ELOVL2: variants seen among roughly 807,000 people sequenced by gnomAD.
The protein encoded by ELOVL2 is ELOVL fatty acid elongase 2.
ELOVL2 carries 38 observed loss-of-function variants against 37.7 expected under a neutral mutation model. The observed-to-expected ratio is 1.01, with a 90% CI of 0.78 to 1.32. ELOVL2 has a LOEUF of 1.32. ELOVL2 is among the 40% of genes most tolerant of loss of function. The pLI is 0.00. For missense variants in ELOVL2, 352 were observed against 363.6 expected, an observed-to-expected ratio of 0.97 and a Z score of 0.26; for synonymous variants, 115 against 122.3, an observed-to-expected ratio of 0.94 and a Z score of 0.40.
Position 11,044,192 on chromosome 6 carries a change from G to A in ELOVL2, c.3+36C>T, listed in dbSNP as rs767735537. 3.4e-6 allele frequency: 5 copies of A among 1,454,374 alleles called. No homozygotes were observed. The South Asian group carries it at 6.8e-5, about 20-fold the overall frequency. 90.1% of individuals were successfully genotyped at this position (1,454,374 alleles called of 1,614,324 possible). ...CGTGGGTCCAGGAGAGAAAGAAAGC[G>A]CGGCGGTGTCGGTGGCGGCGCGCGG... On this transcript the variant is annotated intron_variant, in intron 1 of 7. Transcript: ENST00000354666. The surrounding 1 kb of genome is among the most constrained non-coding windows in gnomAD (Gnocchi z 5.6).
Position 11,037,687 on chromosome 6 carries a change from T to C in ELOVL2, c.3+6541A>G, listed in dbSNP as rs901694348. On this transcript the variant is annotated intron_variant, in intron 1 of 7. Coordinates refer to ENST00000354666, the MANE Select transcript of ELOVL2 (RefSeq NM_017770.4). ...GCCACTCAATGTTCTTCTATGTCTG[T>C]GTACCATTTTATCCAAAAGAAAGCT... Among the ~76,000 whole-genome samples, 15 of 152,212 alleles carry C rather than the reference T, an allele frequency of 9.9e-5. 1 individual carries two copies. Among genetic ancestry groups the C allele is most frequent in the African/African-American group, 3.1e-4 (13 of 41,458 alleles).
intron 1 of ELOVL2, among the ~76,000 whole-genome samples, chr6:11,020,769 A>G (rs1356467816): frequency 6.6e-6 from 1 of 152,184 alleles, no homozygotes; most frequent in African/African-American, 2.4e-5. Context: ...TCCCCCTAAT[A>G]GGTTAAATTT....
intron 1 of ELOVL2, among the ~76,000 whole-genome samples, chr6:11,022,414 A>T (rs562676049): frequency 5.2e-4 from 79 of 152,274 alleles, no homozygotes; most frequent in Non-Finnish European, 6.3e-4. Flanking sequence ...TGAGCAAGAG[A>T]AGAGGACTAC....
chr6:11,041,295 T>C (rs1783094409), intron 1 of ELOVL2, among the ~76,000 whole-genome samples: 1 of 152,094 alleles, frequency 6.6e-6, no homozygotes, highest in Admixed American at 6.5e-5. Context: ...ATACATAATA[T>C]CTACTTGACA....
chr6:10,990,509 G>A lies in ELOVL2; in HGVS notation c.506-67C>T, dbSNP rs141945775. 881 of 1,452,686 alleles carry A rather than the reference G, an allele frequency of 6.1e-4. 7 individuals carry two copies. In the African/African-American group the frequency reaches 0.012, roughly 20 times the overall value. The allele number at this position is 1,452,686 out of a possible 1,614,324, so 90.0% of individuals were successfully genotyped here. A position where few individuals can be genotyped will look rare whatever the true frequency, so the allele number is the denominator to read the frequency against. Reference sequence around the variant, plus strand: ...GACTGTTCATTCTTCTTTGTCAAGTGAGATTCTCTCTCTGCATGGTAATTG... The same window carrying A: ...GACTGTTCATTCTTCTTTGTCAAGTAAGATTCTCTCTCTGCATGGTAATTG... On this transcript the variant is annotated intron_variant, in intron 5 of 7. Coordinates refer to ENST00000354666, the MANE Select transcript of ELOVL2 (RefSeq NM_017770.4).
intron 1 of ELOVL2, among the ~76,000 whole-genome samples, chr6:11,036,725 G>GA (rs150983108): frequency 0.093 from 14,193 of 152,194 alleles, 2,007 homozygotes; most frequent in African/African-American, 0.3. Flanking sequence ...AATGGGAGCA[G>GA]AAAGGATCAA....
At chr6:11,025,230 C>T (rs951057412) in intron 1 of ELOVL2, among the ~76,000 whole-genome samples, 14 of 152,176 alleles carry the variant, frequency 9.2e-5, no homozygotes, top group African/African-American at 2.4e-4. Flanking sequence ...TCTCCATCCA[C>T]GCTGCCAACC....
chr6:11,034,014 T>A (rs1383333818), intron 1 of ELOVL2, among the ~76,000 whole-genome samples: 1 of 152,172 alleles, frequency 6.6e-6, no homozygotes, highest in East Asian at 1.9e-4. Context: ...GCCATGAGAA[T>A]ACTGATATTC....
rs1366599452 is a variant in ELOVL2 at position 11,029,686 on chromosome 6, G to GTAT, written c.3+14541_3+14542insATA. On this transcript the variant is annotated intron_variant, in intron 1 of 7. Coordinates refer to ENST00000354666, the MANE Select transcript of ELOVL2 (RefSeq NM_017770.4). ...GAAAAATCAGAAGAGAAAGTGCAGT[G>GTAT]GTATAAAAGGGAGAATAACAAAATT... Among the ~76,000 whole-genome samples, 3 of 152,156 alleles carry GTAT rather than the reference G, an allele frequency of 2.0e-5. No homozygotes were observed. In the East Asian group the frequency reaches 5.8e-4, roughly 29 times the overall value.
At chr6:11,041,932 G>A (rs9468304) in intron 1 of ELOVL2, among the ~76,000 whole-genome samples, 30,662 of 152,010 alleles carry the variant, frequency 0.2, 4,328 homozygotes, top group East Asian at 0.64. Context: ...TATTGAAAAG[G>A]ATGTCTCTCT....
chr6:11,023,905 T>C (rs187054361), intron 1 of ELOVL2, among the ~76,000 whole-genome samples: 138 of 152,352 alleles, frequency 9.1e-4, no homozygotes, highest in African/African-American at 2.8e-3. Context: ...TGAAACACTA[T>C]ACTTGGCCTC....
intron 1 of ELOVL2, among the ~76,000 whole-genome samples, chr6:11,037,868 T>C (rs951144678): frequency 1.3e-5 from 2 of 152,220 alleles, no homozygotes; most frequent in African/African-American, 4.8e-5. Context: ...ATTTAATATG[T>C]TTAAGTGTAT....
chr6:10,981,362 A>G lies in ELOVL2; in HGVS notation c.*2419T>C, dbSNP rs1388963495. 6.5e-6 allele frequency: 1 copy of G among 152,674 alleles called. No homozygotes were observed. Among genetic ancestry groups the G allele is most frequent in the African/African-American group, 2.4e-5 (1 of 41,470 alleles). 9.5% of individuals were successfully genotyped at this position (152,674 alleles called of 1,614,324 possible). A position where few individuals can be genotyped will look rare whatever the true frequency, so the allele number is the denominator to read the frequency against. On this transcript the variant is annotated 3_prime_UTR_variant, in exon 8 of 8. Coordinates refer to ENST00000354666, the MANE Select transcript of ELOVL2 (RefSeq NM_017770.4). ...ATAAGCATTTTGGTTTTTTGAAGTTACAACACTTAACGACAGGTTAAAATG... is the reference window on the plus strand; with the variant it reads ...ATAAGCATTTTGGTTTTTTGAAGTTGCAACACTTAACGACAGGTTAAAATG...
intron 1 of ELOVL2, among the ~76,000 whole-genome samples, chr6:11,012,105 G>C (rs1285018416): frequency 6.6e-6 from 1 of 152,172 alleles, no homozygotes; most frequent in Non-Finnish European, 1.5e-5. Context: ...CCTTATTTGT[G>C]ACTCTGATCC....
At chr6:11,010,603 T>C in intron 2 of ELOVL2, 143 bp downstream of exon 2, 3 of 703,780 alleles carry the variant, frequency 4.3e-6, no homozygotes, top group Non-Finnish European at 7.3e-6. Flanking sequence ...TCTGGAAGGA[T>C]ATCAAAGTTG....
At position 11,000,129 on chromosome 6, in the gene ELOVL2, TAA is replaced by T; in HGVS notation, c.289_290del (p.Leu97ThrfsTer12). On this transcript the variant is annotated frameshift_variant, in exon 4 of 8. Coordinates refer to ENST00000354666, the MANE Select transcript of ELOVL2 (RefSeq NM_017770.4). LOFTEE classifies it high-confidence loss of function. ...CTGCGCTGGTAAGATCTTGACACTG[TAA>T]GTTGTAGCCTCCTTCCCAAGTGGAG... ...ILSTWEGGYN[L>X]QCQDLTSAGE... 6.2e-7 allele frequency: 1 copy of T among 1,614,146 alleles called. No individual in the cohort carries two copies. Among genetic ancestry groups the T allele is most frequent in the Non-Finnish European group, 8.5e-7 (1 of 1,180,018 alleles).
intron 1 of ELOVL2, among the ~76,000 whole-genome samples, chr6:11,033,180 C>T (rs1185032855): frequency 6.6e-6 from 1 of 152,128 alleles, no homozygotes; most frequent in East Asian, 1.9e-4. Context: ...CTATTCTCCA[C>T]TTATTTAGTT....
intron 1 of ELOVL2, among the ~76,000 whole-genome samples, chr6:11,031,408 A>G (rs1256305757): frequency 2.0e-5 from 3 of 152,240 alleles, no homozygotes; most frequent in Non-Finnish European, 4.4e-5. Context: ...TGCCAAGTTC[A>G]TGAGTCTGAC....
Position 11,010,768 on chromosome 6 carries a change from C to A in ELOVL2, c.45G>T (p.Leu15Phe), listed in dbSNP as rs751751998. The A allele has an allele frequency of 1.9e-6, 3 of 1,611,630 alleles. No individual in the cohort carries two copies. In the South Asian group the frequency reaches 3.3e-5, roughly 18 times the overall value. Reference protein sequence around the residue: ...KAFDDEINAFLDNMFGPRDSR... With the variant: ...KAFDDEINAFFDNMFGPRDSR... The stretch of plus-strand genomic sequence containing the variant: ...GACCTCGCGGTCCAAACATATTGTC[C>A]AAAAAAGCATTGATTTCATCATCAA... Residue 15 changes from leucine (L) to phenylalanine (F), a missense_variant, in exon 2 of 8, where the codon TTG becomes TTT. Leu to Phe is a conservative substitution (Grantham distance 22). Transcript: ENST00000354666.
Sources: gnomAD v4.1 joint callset for allele counts (sites outside exome capture counted in the v4.1 genomes callset) on GRCh38, gnomAD v4.1.1 for gene constraint, Gnocchi (gnomAD v3.1) non-coding constraint, MANE v1.5 for transcripts, NCBI Gene and HGNC (gene_info 2026-07-23, HGNC 2026-07-21) for gene names.